Variants in SOX5 observed in about 807,000 individuals in gnomAD.
SOX5 encodes transcription factor SOX-5.
In SOX5, 9 loss-of-function variants were observed where a neutral mutation model predicts 92.0. The ratio of observed to expected loss-of-function variants is 0.10; its 90% CI spans 0.06 to 0.17. SOX5 has a LOEUF of 0.17. Ranked by LOEUF, SOX5 falls within the 10% of genes least tolerant of loss-of-function variation. The pLI, the probability that SOX5 is intolerant of heterozygous loss-of-function variation, is 1.00. For missense variants in SOX5, 642 were observed against 944.5 expected, an observed-to-expected ratio of 0.68 and a Z score of 4.20; for synonymous variants, 344 against 336.3, an observed-to-expected ratio of 1.02 and a Z score of -0.25.
intron 4 of SOX5, among the ~76,000 whole-genome samples, chr12:23,960,730 A>G (rs549121887): frequency 9.6e-4 from 145 of 151,820 alleles, no homozygotes; most frequent in African/African-American, 3.3e-3. Context: ...AAGGTAGGTA[A>G]CTGAACACCA....
At chr12:24,438,821 C>T (rs898480027) in intron 1 of SOX5, among the ~76,000 whole-genome samples, 1 of 152,192 alleles carries the variant, frequency 6.6e-6, no homozygotes, top group African/African-American at 2.4e-5. Context: ...AAAGAGGTTT[C>T]TTAAAATGGA....
chr12:23,566,220 A>G lies in SOX5; in HGVS notation c.1343-2817T>C, dbSNP rs1296689300. 5.9e-5 allele frequency among the ~76,000 whole-genome samples: 9 copies of G among 152,198 alleles called. No homozygotes were observed. In the East Asian group the frequency reaches 1.5e-3, roughly 26 times the overall value. The stretch of plus-strand genomic sequence containing the variant: ...GTTCTCTTTTCTCCGAAAACAAGCA[A>G]ATAAAGTGTCTTCTTTAACCTTGTT... On this transcript the variant is annotated intron_variant, in intron 10 of 14. Transcript: ENST00000451604.
At chr12:23,833,495 T>C (rs535341928) in intron 3 of SOX5, among the ~76,000 whole-genome samples, 3 of 152,110 alleles carry the variant, frequency 2.0e-5, no homozygotes, top group African/African-American at 7.2e-5. Context: ...CCTATAGCAA[T>C]TGAAGAGAAT....
At chr12:23,896,214 C>A (rs968023609) in intron 1 of SOX5, among the ~76,000 whole-genome samples, 190 bp from the exon 2 acceptor site, 1 of 152,150 alleles carries the variant, frequency 6.6e-6, no homozygotes, top group Non-Finnish European at 1.5e-5. Context: ...CAGAACAGTG[C>A]TTGTTTGTTG....
At chr12:24,493,655 G>T (rs10842359) in intron 1 of SOX5, among the ~76,000 whole-genome samples, 46,337 of 151,716 alleles carry the variant, frequency 0.31, 8,303 homozygotes, top group East Asian at 0.72. Context: ...ACAAGGTCAG[G>T]AGATCGAGAC....
intron 2 of SOX5, among the ~76,000 whole-genome samples, chr12:24,290,153 A>G (rs577544128): frequency 2.0e-5 from 3 of 152,226 alleles, no homozygotes; most frequent in Non-Finnish European, 4.4e-5. Flanking sequence ...GACCCTTCAC[A>G]GTTCTTAACA....
intron 1 of SOX5, among the ~76,000 whole-genome samples, chr12:24,477,701 G>A (rs1945547888): frequency 6.6e-6 from 1 of 152,064 alleles, no homozygotes; most frequent in Non-Finnish European, 1.5e-5. Flanking sequence ...TTTGAAATAA[G>A]ATGAATATTG....
intron 4 of SOX5, among the ~76,000 whole-genome samples, chr12:24,196,950 T>A (rs1293627047): frequency 6.6e-6 from 1 of 151,972 alleles, no homozygotes. Flanking sequence ...TACAAAAGAA[T>A]AAATAAGTTC....
chr12:24,133,583 G>A (rs183813233), intron 4 of SOX5, among the ~76,000 whole-genome samples: 6 of 152,232 alleles, frequency 3.9e-5, no homozygotes, highest in African/African-American at 1.2e-4. Context: ...AAGCACAAAG[G>A]GGGGTGTGGG....
At chr12:23,868,100 C>T (rs1202411833) in intron 2 of SOX5, among the ~76,000 whole-genome samples, 4 of 151,706 alleles carry the variant, frequency 2.6e-5, no homozygotes, top group Non-Finnish European at 4.4e-5. Flanking sequence ...TCCTTCCCTC[C>T]CTTCTTCCCT....
chr12:24,257,689 G>A (rs1259706229), intron 3 of SOX5, among the ~76,000 whole-genome samples: 9 of 151,702 alleles, frequency 5.9e-5, no homozygotes, highest in South Asian at 2.1e-4. Flanking sequence ...GGCTGGTCTC[G>A]AACTCCTGAC....
intron 4 of SOX5, among the ~76,000 whole-genome samples, chr12:24,186,167 C>A (rs1955995274): frequency 6.6e-6 from 1 of 151,918 alleles, no homozygotes; most frequent in Non-Finnish European, 1.5e-5. Flanking sequence ...GCATTATCAG[C>A]AAACAAACAA....
At chr12:23,640,749 C>T in intron 8 of SOX5, 63 bp downstream of exon 8, 2 of 1,180,926 alleles carry the variant, frequency 1.7e-6, no homozygotes, top group Non-Finnish European at 2.5e-6. Flanking sequence ...TGCTTTAACA[C>T]CATAATAGCT....
chr12:24,159,879 T>C (rs1004143795), intron 4 of SOX5, among the ~76,000 whole-genome samples: 1 of 152,012 alleles, frequency 6.6e-6, no homozygotes. Flanking sequence ...GAAAAGTATA[T>C]TCTCCCCAGT....
At chr12:24,401,819 C>T (rs1336126840) in intron 1 of SOX5, among the ~76,000 whole-genome samples, 1 of 149,234 alleles carries the variant, frequency 6.7e-6, no homozygotes, top group Non-Finnish European at 1.5e-5. Context: ...AAAATATTTA[C>T]TCTCTAGCCC....
At chr12:23,934,398 T>C (rs1942083633) in intron 1 of SOX5, among the ~76,000 whole-genome samples, 1 of 150,008 alleles carries the variant, frequency 6.7e-6, no homozygotes. Context: ...TATACATATG[T>C]ATATGTATAT....
intron 3 of SOX5, chr12:24,277,083 C>T (rs893309787): frequency 2.0e-5 from 3 of 151,870 alleles, no homozygotes; most frequent in Admixed American, 6.6e-5. Flanking sequence ...ATGTACTATA[C>T]TTTTATATGC....
intron 7 of SOX5, among the ~76,000 whole-genome samples, chr12:23,659,890 C>T (rs1156455678): frequency 2.0e-5 from 3 of 152,098 alleles, no homozygotes; most frequent in Admixed American, 2.0e-4. Context: ...TCTCTTGAAC[C>T]TGGGAGGTGG....
intron 4 of SOX5, among the ~76,000 whole-genome samples, chr12:24,148,871 CAGAGGG>C (rs57630786): frequency 0.9 from 135,363 of 151,078 alleles, 60,737 homozygotes; most frequent in East Asian, 0.99. Context: ...GCCTGGGTGA[CAGAGGG>C]AGAGGGAGAC....
Sources: allele counts gnomAD v4.1 joint callset (sites outside exome capture counted in the v4.1 genomes callset), GRCh38; gene constraint gnomAD v4.1.1; transcripts MANE v1.5; gene names NCBI Gene and HGNC (gene_info 2026-07-23, HGNC 2026-07-21).